Variants in IMMP2L observed in about 807,000 individuals in gnomAD.
IMMP2L encodes the protein mitochondrial inner membrane protease subunit 2.
Under a neutral mutation model 19.3 loss-of-function variants are expected in IMMP2L, and 18 were observed. That is an observed-to-expected ratio of 0.93 (90% CI 0.64 to 1.38). The LOEUF (loss-of-function observed/expected upper bound fraction) is 1.38, where lower values mean the gene tolerates loss of function less well. Among genes scored for constraint, IMMP2L ranks in the 40% most tolerant of loss-of-function variants. IMMP2L has a pLI of 0.00. For synonymous variants in IMMP2L, 76 were observed against 73.0 expected (o/e 1.04, Z -0.21); for missense variants, 233 against 218.2 (o/e 1.07, Z -0.43).
In IMMP2L at chr7:110,902,394, T is replaced by A. The variant is rs1030586889; in HGVS notation, c.306-15699A>T. Among the ~76,000 whole-genome samples, 53 of 110,552 alleles carry A rather than the reference T, an allele frequency of 4.8e-4. 1 individual carries two copies. Among genetic ancestry groups the A allele is most frequent in the Non-Finnish European group, 1.4e-4 (8 of 57,136 alleles). 72.5% of individuals were successfully genotyped at this position (110,552 alleles called of 152,430 possible). On this transcript the variant is annotated intron_variant, in intron 4 of 5. Coordinates refer to ENST00000405709, the MANE Select transcript of IMMP2L (RefSeq NM_032549.4). ...CACTTAACTAATGGTCCATACTCCT[T>A]TAAAAAAAAAAGATTAATTCTGATT...
intron 1 of IMMP2L, among the ~76,000 whole-genome samples, chr7:111,545,254 C>T (rs1300194544): frequency 1.3e-5 from 2 of 152,066 alleles, no homozygotes; most frequent in Non-Finnish European, 2.9e-5. Context: ...TTCACTAGGC[C>T]TTTGATATGC....
At chr7:111,424,254 G>T (rs963171906) in intron 3 of IMMP2L, among the ~76,000 whole-genome samples, 1 of 151,672 alleles carries the variant, frequency 6.6e-6, no homozygotes, top group African/African-American at 2.4e-5. Flanking sequence ...CTGTTACAAC[G>T]CAAGTGCACA....
chr7:110,983,860 T>C (rs745699053), intron 3 of IMMP2L, among the ~76,000 whole-genome samples: 6 of 151,966 alleles, frequency 3.9e-5, no homozygotes, highest in Non-Finnish European at 7.4e-5. Flanking sequence ...AAGATTTTAG[T>C]TTTTAAGCTC....
intron 4 of IMMP2L, among the ~76,000 whole-genome samples, chr7:110,958,048 C>G (rs1230267599): frequency 3.3e-5 from 5 of 151,922 alleles, no homozygotes; most frequent in African/African-American, 1.2e-4. Flanking sequence ...ATGAATGGCA[C>G]TAAGGTCTAC....
chr7:111,479,916 C>T (rs927567128), intron 3 of IMMP2L, among the ~76,000 whole-genome samples: 1 of 152,090 alleles, frequency 6.6e-6, no homozygotes, highest in African/African-American at 2.4e-5. Context: ...TACATTAACA[C>T]AAAATCTCGG....
chr7:111,308,648 A>G (rs560159242), intron 3 of IMMP2L, among the ~76,000 whole-genome samples: 10 of 152,136 alleles, frequency 6.6e-5, no homozygotes, highest in African/African-American at 2.2e-4. Flanking sequence ...AAAGAAAATT[A>G]CATGGAACAA....
At chr7:111,063,226 G>A (rs1242113840) in intron 3 of IMMP2L, among the ~76,000 whole-genome samples, 3 of 152,200 alleles carry the variant, frequency 2.0e-5, no homozygotes, top group African/African-American at 7.2e-5. Flanking sequence ...AAACCATGTG[G>A]AGCTGCCAAG....
chr7:110,935,282 T>A (rs1585332510), intron 4 of IMMP2L, among the ~76,000 whole-genome samples: 1 of 152,128 alleles, frequency 6.6e-6, no homozygotes, highest in African/African-American at 2.4e-5. Context: ...ATATGAAATT[T>A]TGGGTTGAAA....
intron 5 of IMMP2L, among the ~76,000 whole-genome samples, chr7:110,676,251 T>C (rs150239194): frequency 1.3e-5 from 2 of 152,340 alleles, no homozygotes; most frequent in East Asian, 1.9e-4. Flanking sequence ...CAGTAAATAG[T>C]TTAGGCTTAC....
In IMMP2L at chr7:110,803,001, T is replaced by C. The variant is rs1410972749; in HGVS notation, c.408+83592A>G. On this transcript the variant is annotated intron_variant, in intron 5 of 5. Transcript: ENST00000405709. This position sits in a 1 kb window ranked among gnomAD's most constrained non-coding sequence, Gnocchi z 4.2. ...ATACCACTTGATGTTAAAATAGAAA[T>C]ATGCAAAAGAAGTAGAGATTATAAA... 6.6e-6 allele frequency among the ~76,000 whole-genome samples: 1 copy of C among 152,072 alleles called. No homozygotes were observed. The highest frequency in any genetic ancestry group is 1.5e-5 in the Non-Finnish European group (1 of 68,000).
At chr7:111,264,985 A>T (rs999674512) in intron 3 of IMMP2L, among the ~76,000 whole-genome samples, 2 of 152,138 alleles carry the variant, frequency 1.3e-5, no homozygotes, top group African/African-American at 2.4e-5. Context: ...TCTTGCAAAT[A>T]AGCAAGAGTT....
chr7:111,295,282 G>T (rs1464080221), intron 3 of IMMP2L, among the ~76,000 whole-genome samples: 1 of 151,780 alleles, frequency 6.6e-6, no homozygotes, highest in African/African-American at 2.4e-5. Context: ...TATTGCCTGA[G>T]GTCCCCAATG....
In IMMP2L at chr7:111,501,963, C is replaced by A. The variant is rs902690970; in HGVS notation, c.136-14622G>T. Among the ~76,000 whole-genome samples, 4 of 152,262 alleles carry A rather than the reference C, an allele frequency of 2.6e-5. No homozygotes were observed. The East Asian group carries it at 7.7e-4, about 29-fold the overall frequency. ...CATCATAATGACAGGACCAAATTCA[C>A]ACATAACAATATTAACTTTAAATGT... On this transcript the variant is annotated intron_variant, in intron 2 of 5. Coordinates refer to ENST00000405709, the MANE Select transcript of IMMP2L (RefSeq NM_032549.4).
chr7:111,192,306 ATATAAG>A (rs1185370869), intron 3 of IMMP2L, among the ~76,000 whole-genome samples: 1 of 152,144 alleles, frequency 6.6e-6, no homozygotes, highest in East Asian at 1.9e-4. Context: ...CTACACCATG[ATATAAG>A]TATAAGGAAC....
chr7:111,161,276 T>C (rs1021690293), intron 3 of IMMP2L, among the ~76,000 whole-genome samples: 2 of 151,704 alleles, frequency 1.3e-5, no homozygotes, highest in East Asian at 1.9e-4. Context: ...AAACAGAAAA[T>C]GACAATAGAA....
At chr7:110,973,049 G>A (rs1281916603) in intron 3 of IMMP2L, among the ~76,000 whole-genome samples, 1 of 152,064 alleles carries the variant, frequency 6.6e-6, no homozygotes, top group Non-Finnish European at 1.5e-5. Context: ...GATTGTTGGT[G>A]GAGGTTGGGG....
intron 5 of IMMP2L, among the ~76,000 whole-genome samples, chr7:110,773,574 A>G (rs1799178501): frequency 6.6e-6 from 1 of 152,130 alleles, no homozygotes. Flanking sequence ...TAGCTATAGG[A>G]ACAATTTTCC....
chr7:111,348,096 C>A (rs1003390049), intron 3 of IMMP2L, among the ~76,000 whole-genome samples: 1 of 129,944 alleles, frequency 7.7e-6, no homozygotes, highest in African/African-American at 3.0e-5. Flanking sequence ...AATGAGAACA[C>A]TTGGACACAG....
rs1203001249 is a variant in IMMP2L at position 111,011,045 on chromosome 7, T to C, written c.240-47480A>G. On this transcript the variant is annotated intron_variant, in intron 3 of 5. Transcript: ENST00000405709. ...GGAAACCAAGGGAGTACTCCTGAGA[T>C]CAGTAGATGAGAGTAATCCTTGGCA... Among the ~76,000 whole-genome samples the C allele has an allele frequency of 2.6e-5, 4 of 151,834 alleles. No homozygotes were observed. In the East Asian group the frequency reaches 7.8e-4, roughly 29 times the overall value.
Sources: gnomAD v4.1 joint callset for allele counts (sites outside exome capture counted in the v4.1 genomes callset) on GRCh38, gnomAD v4.1.1 for gene constraint, Gnocchi (gnomAD v3.1) non-coding constraint, MANE v1.5 for transcripts, NCBI Gene and HGNC (gene_info 2026-07-23, HGNC 2026-07-21) for gene names.